PAWR: variants seen among roughly 807,000 people sequenced by gnomAD.
PAWR encodes pro-apoptotic WT1 regulator.
Under a neutral mutation model 32.0 loss-of-function variants are expected in PAWR, and 23 were observed. The ratio of observed to expected loss-of-function variants is 0.72; its 90% CI spans 0.52 to 1.02. PAWR has a LOEUF of 1.02. Ranked by LOEUF, PAWR falls within the 50% of genes least tolerant of loss-of-function variation. PAWR has a pLI of 0.00. For missense variants in PAWR, 457 were observed against 437.7 expected, an observed-to-expected ratio of 1.04 and a Z score of -0.39; for synonymous variants, 226 against 187.1, an observed-to-expected ratio of 1.21 and a Z score of -1.70.
At chr12:79,626,436 T>C (rs1474532968) in intron 2 of PAWR, among the ~76,000 whole-genome samples, 3 of 150,584 alleles carry the variant, frequency 2.0e-5, no homozygotes, top group Non-Finnish European at 4.4e-5. Flanking sequence ...ATTTTTTGTA[T>C]TTTTAGTAGA....
intron 4 of PAWR, among the ~76,000 whole-genome samples, chr12:79,612,806 GAC>G (rs8176885): frequency 6.6e-6 from 1 of 152,104 alleles, no homozygotes; most frequent in Admixed American, 6.5e-5. Context: ...GAATATCCTA[GAC>G]ACCTCCACTG....
At chr12:79,661,395 G>GA (rs1344451220) in intron 2 of PAWR, among the ~76,000 whole-genome samples, 2 of 151,686 alleles carry the variant, frequency 1.3e-5, no homozygotes, top group East Asian at 1.9e-4. Flanking sequence ...AACCTTGAAA[G>GA]AAAAAATCTC....
chr12:79,688,858 G>A (rs1165633550), intron 2 of PAWR, among the ~76,000 whole-genome samples: 1 of 152,188 alleles, frequency 6.6e-6, no homozygotes, highest in Non-Finnish European at 1.5e-5. Flanking sequence ...TCAAATCCAT[G>A]AGCTACTATC....
At chr12:79,637,296 AT>A (rs1469284556) in intron 2 of PAWR, among the ~76,000 whole-genome samples, 2 of 152,122 alleles carry the variant, frequency 1.3e-5, no homozygotes, top group Admixed American at 6.6e-5. Context: ...TATTAGGGAA[AT>A]TAAAATAGAT....
At chr12:79,617,127 G>A (rs1287914510) in intron 3 of PAWR, among the ~76,000 whole-genome samples, 8 of 152,278 alleles carry the variant, frequency 5.3e-5, no homozygotes, top group Admixed American at 1.3e-4. Context: ...GGAGGCCAAC[G>A]CAGGAAGATC....
chr12:79,603,100 TAGTC>T (rs1453831662), intron 4 of PAWR, among the ~76,000 whole-genome samples: 2 of 151,556 alleles, frequency 1.3e-5, no homozygotes, highest in Non-Finnish European at 2.9e-5. Flanking sequence ...AATAAAAAAT[TAGTC>T]AGGCATGGTG....
chr12:79,674,436 C>T (rs1232981957), intron 2 of PAWR, among the ~76,000 whole-genome samples: 1 of 151,188 alleles, frequency 6.6e-6, no homozygotes, highest in Non-Finnish European at 1.5e-5. Context: ...AAATGTAAAA[C>T]CTGCAACTAT....
chr12:79,645,172 T>G (rs1354641249), intron 2 of PAWR, among the ~76,000 whole-genome samples: 1 of 152,140 alleles, frequency 6.6e-6, no homozygotes, highest in Non-Finnish European at 1.5e-5. Flanking sequence ...ATTAGAAATG[T>G]TGGTTACTTA....
At chr12:79,638,878 ATATATATATATATATATATTTTTTTTT>A (rs1876115986) in intron 2 of PAWR, among the ~76,000 whole-genome samples, 1 of 8,222 alleles carries the variant, frequency 1.2e-4, no homozygotes, top group East Asian at 3.1e-3. Flanking sequence ...ATATATATAT[ATATATATATATATATATATTTTTTTTT>A]TTTTTTTTTT....
At chr12:79,629,325 C>CT (rs763558827) in intron 2 of PAWR, among the ~76,000 whole-genome samples, 2 of 152,036 alleles carry the variant, frequency 1.3e-5, no homozygotes, top group Non-Finnish European at 2.9e-5. Context: ...AAACACATAT[C>CT]TAATGTAAGC....
chr12:79,652,698 C>G (rs993113334), intron 2 of PAWR, among the ~76,000 whole-genome samples: 1 of 152,118 alleles, frequency 6.6e-6, no homozygotes, highest in Non-Finnish European at 1.5e-5. Context: ...ATGTGAAAAC[C>G]TTTGGCAGGG....
Position 79,690,378 on chromosome 12 carries a change from A to G in PAWR, c.-134T>C, listed in dbSNP as rs1329077416. 1 of 1,347,766 alleles carries G rather than the reference A, an allele frequency of 7.4e-7. No homozygotes were observed. Among genetic ancestry groups the G allele is most frequent in the Non-Finnish European group, 9.5e-7 (1 of 1,054,250 alleles). 83.5% of individuals were successfully genotyped at this position (1,347,766 alleles called of 1,614,324 possible). A position where few individuals can be genotyped will look rare whatever the true frequency, so the allele number is the denominator to read the frequency against. ...GGAGAGGGACGGCCGCCGCTCCCAC[A>G]GCAGCCGGCGGGGCTGAGGTGAAAG... On this transcript the variant is annotated 5_prime_UTR_variant, in exon 2 of 7. Transcript: ENST00000328827.
At position 79,689,963 on chromosome 12, in the gene PAWR, G is replaced by A. The variant is rs1226427504; in HGVS notation, c.282C>T (p.Gly94=). The A allele has an allele frequency of 5.1e-6, 7 of 1,374,818 alleles. No homozygotes were observed. Among genetic ancestry groups the A allele is most frequent in the South Asian group, 1.7e-5 (1 of 58,110 alleles). 85.2% of individuals were successfully genotyped at this position (1,374,818 alleles called of 1,614,324 possible). The stretch of plus-strand genomic sequence containing the variant: ...GGGCCGCCCGCGTCAGCATGGCGGA[G>A]CCGACCGCGCAGTTCACGCCCCCGG... ...PGPGGVNCAV[G]SAMLTRAAPG... Residue 94 remains glycine (G), a synonymous_variant, in exon 2 of 7, where the codon GGC becomes GGT. Coordinates refer to ENST00000328827, the MANE Select transcript of PAWR (RefSeq NM_002583.4).
intron 2 of PAWR, among the ~76,000 whole-genome samples, chr12:79,628,048 T>C (rs1044022445): frequency 3.3e-5 from 5 of 152,268 alleles, no homozygotes; most frequent in African/African-American, 4.8e-5. Flanking sequence ...ATTGACCACA[T>C]AGTTAGAAGT....
chr12:79,672,958 C>T (rs1877981660), intron 2 of PAWR, among the ~76,000 whole-genome samples: 1 of 152,166 alleles, frequency 6.6e-6, no homozygotes, highest in South Asian at 2.1e-4. Context: ...ACAGCACACA[C>T]TAAACCACTA....
At chr12:79,609,772 C>T (rs1046601917) in intron 4 of PAWR, among the ~76,000 whole-genome samples, 3 of 152,190 alleles carry the variant, frequency 2.0e-5, no homozygotes, top group Admixed American at 6.5e-5. Context: ...ACGCTAAAGG[C>T]TGTCATACTG....
At chr12:79,683,695 T>C (rs181961753) in intron 2 of PAWR, among the ~76,000 whole-genome samples, 1 of 152,240 alleles carries the variant, frequency 6.6e-6, no homozygotes, top group Admixed American at 6.5e-5. Flanking sequence ...TGTAAAAGTT[T>C]TATTAAGGTG....
chr12:79,680,094 A>G lies in PAWR; in HGVS notation c.516+9635T>C, dbSNP rs8176812. Among the ~76,000 whole-genome samples, 512 of 152,374 alleles carry G rather than the reference A, an allele frequency of 3.4e-3. 3 individuals carry two copies. The highest frequency in any genetic ancestry group is 0.011 in the African/African-American group (473 of 41,588). ...CATATACGCACTATAACATTTGTTT[A>G]GAAAAACATGGATTTGTCCCAATGC... On this transcript the variant is annotated intron_variant, in intron 2 of 6. Transcript: ENST00000328827.
intron 2 of PAWR, among the ~76,000 whole-genome samples, chr12:79,625,391 AAC>A (rs1223731760): frequency 6.6e-6 from 1 of 152,220 alleles, no homozygotes; most frequent in East Asian, 1.9e-4. Flanking sequence ...GAAAATTATA[AAC>A]ACACAGATGC....
Sources: allele counts gnomAD v4.1 joint callset (sites outside exome capture counted in the v4.1 genomes callset), GRCh38; gene constraint gnomAD v4.1.1; transcripts MANE v1.5; gene names NCBI Gene and HGNC (gene_info 2026-07-23, HGNC 2026-07-21).